Variants in TBX1 observed in about 807,000 individuals in gnomAD.
The protein encoded by TBX1 is T-box transcription factor TBX1.
In TBX1, 16 loss-of-function variants were observed where a neutral mutation model predicts 40.8. The ratio of observed to expected loss-of-function variants is 0.39; its 90% confidence interval spans 0.27 to 0.60. The LOEUF is 0.60. TBX1 is among the 20% of genes least tolerant of loss of function. The probability of loss-of-function intolerance (pLI) is 0.51; values close to 1 mark genes in which losing one functional copy is unlikely to be tolerated. For missense variants in TBX1, 755 were observed against 728.5 expected (o/e 1.04, Z -0.42); for synonymous variants, 403 against 336.8 (o/e 1.20, Z -2.15).
rs1166584869 is a variant in TBX1 at position 19,763,387 on chromosome 22, G to C, written c.539+45G>C. Reference sequence around the variant, plus strand: ...CGTGAGGGACCGGGAGGGCACCCTGGAAAGTGGCGGGTCTCCGCCTGGTGA... The same window carrying C: ...CGTGAGGGACCGGGAGGGCACCCTGCAAAGTGGCGGGTCTCCGCCTGGTGA... On this transcript the variant is annotated intron_variant, in intron 2 of 6. Transcript: ENST00000649276. 3 of 1,590,880 alleles carry C rather than the reference G, an allele frequency of 1.9e-6. No homozygotes were observed. The South Asian group carries it at 3.3e-5, about 18-fold the overall frequency.
intron 8 of TBX1, chr22:19,779,088 G>A (rs975714093): frequency 9.3e-7 from 1 of 1,077,744 alleles, no homozygotes; most frequent in Non-Finnish European, 1.4e-6. Flanking sequence ...CGGCTCGTTG[G>A]GAGATGCAGT....
downstream of TBX1, among the ~76,000 whole-genome samples, chr22:19,781,790 A>T (rs1428823057): frequency 6.6e-6 from 1 of 152,228 alleles, no homozygotes; most frequent in African/African-American, 2.4e-5. Flanking sequence ...TTTGTTAAAA[A>T]GACAGTCTTT....
intron 8 of TBX1, among the ~76,000 whole-genome samples, chr22:19,773,793 CT>C (rs1937025655): frequency 6.6e-6 from 1 of 152,220 alleles, no homozygotes. Flanking sequence ...GGCCAGACCC[CT>C]GGACACCAGC....
chr22:19,761,075 G>A lies in TBX1; in HGVS notation c.232G>A (p.Ala78Thr), dbSNP rs1028072654. ...CCCGGGCCCGCCGCCGCCGCCGCAC[G>A]CCTACCCGTTTGCGCCGGCCGCCGG... is the stretch of plus-strand genomic sequence containing the variant. Reference protein sequence around the residue: ...GAPGPPPPPHAYPFAPAAGAA... With the variant: ...GAPGPPPPPHTYPFAPAAGAA... Residue 78 changes from alanine (A) to threonine (T), a missense_variant, in exon 1 of 7, where the codon GCC becomes ACC. Transcript: ENST00000649276. The A allele has an allele frequency of 2.6e-5, 26 of 984,304 alleles. No individual in the cohort carries two copies. Among genetic ancestry groups the A allele is most frequent in the Middle Eastern group, 9.8e-4 (2 of 2,032 alleles). The allele number at this position is 984,304 out of a possible 1,614,324, so 61.0% of individuals were successfully genotyped here.
chr22:19,774,618 G>A (rs1023100010), intron 8 of TBX1, among the ~76,000 whole-genome samples: 1 of 152,096 alleles, frequency 6.6e-6, no homozygotes, highest in Non-Finnish European at 1.5e-5. Flanking sequence ...TGTGTGTACC[G>A]TGGAGTATTA....
chr22:19,762,658 G>T (rs990208391), intron 1 of TBX1, among the ~76,000 whole-genome samples: 1 of 152,152 alleles, frequency 6.6e-6, no homozygotes, highest in African/African-American at 2.4e-5. Flanking sequence ...GTGCCCTGAG[G>T]AAGGTGGGGA....
Position 19,766,378 on chromosome 22 carries a change from C to T in TBX1, c.1037-11C>T, listed in dbSNP as rs1461974474. 1.9e-5 allele frequency: 25 copies of T among 1,315,280 alleles called. No individual in the cohort carries two copies. The highest frequency in any genetic ancestry group is 1.1e-4 in the Admixed American group (3 of 26,692). The allele number at this position is 1,315,280 out of a possible 1,614,324, so 81.5% of individuals were successfully genotyped here. A position where few individuals can be genotyped will look rare whatever the true frequency, so the allele number is the denominator to read the frequency against. Reference sequence around the variant, plus strand: ...CGGCCGGCCGCGCTCACTCCTCGGCCCTCTCCGCAGACGCGGCTGAGGCCC... The same window carrying T: ...CGGCCGGCCGCGCTCACTCCTCGGCTCTCTCCGCAGACGCGGCTGAGGCCC... On this transcript the variant is annotated splice_polypyrimidine_tract_variant and intron_variant, in intron 6 of 6. Coordinates refer to ENST00000649276, the MANE Select transcript of TBX1 (RefSeq NM_001379200.1).
At position 19,766,410 on chromosome 22, in the gene TBX1, A is replaced by G; in HGVS notation, c.1058A>G (p.Glu353Gly). 7.4e-7 allele frequency: 1 copy of G among 1,342,718 alleles called. No individual in the cohort carries two copies. The highest frequency in any genetic ancestry group is 9.6e-7 in the Non-Finnish European group (1 of 1,045,688). The allele number at this position is 1,342,718 out of a possible 1,614,324, so 83.2% of individuals were successfully genotyped here. Residue 353 changes from glutamate to glycine, a missense_variant, in exon 7 of 7, where the codon GAA (glutamate) becomes GGA (glycine). Transcript: ENST00000649276. ...GCAGACGCGGCTGAGGCCCGGCGAG[A>G]ATTCCAGCGCGACGCGGGCGGGCCA... Reference protein sequence around the residue: ...TEKDAAEARREFQRDAGGPAV... With the variant: ...TEKDAAEARRGFQRDAGGPAV...
intron 8 of TBX1, among the ~76,000 whole-genome samples, chr22:19,775,995 G>A (rs1937058897): frequency 2.0e-5 from 3 of 152,168 alleles, no homozygotes; most frequent in Admixed American, 6.5e-5. Flanking sequence ...GCCATCCCTG[G>A]AGGTGGCCCC....
At chr22:19,765,710 C>A in intron 4 of TBX1, 48 bp from the exon 5 acceptor site, 1 of 1,605,978 alleles carries the variant, frequency 6.2e-7, no homozygotes, top group South Asian at 1.1e-5. Context: ...GGTCGGGTGG[C>A]CCAGGCTGCA....
downstream of TBX1, among the ~76,000 whole-genome samples, chr22:19,780,774 C>CTTTTT (rs1569032654): frequency 2.7e-5 from 3 of 109,518 alleles, no homozygotes; most frequent in African/African-American, 1.2e-4. Context: ...CACTTGTTTT[C>CTTTTT]TGTTTTTTTT....
chr22:19,780,925 G>C (rs1158271710), downstream of TBX1, among the ~76,000 whole-genome samples: 1 of 150,782 alleles, frequency 6.6e-6, no homozygotes, highest in African/African-American at 2.5e-5. Flanking sequence ...TAGGACTACA[G>C]GTGCCCGCCA....
At chr22:19,766,201 C>T (rs1799069367) in intron 6 of TBX1, 188 bp from the exon 7 acceptor site, 6 of 924,276 alleles carry the variant, frequency 6.5e-6, no homozygotes, top group Non-Finnish European at 7.9e-6. Flanking sequence ...CCGCCGCCCG[C>T]AGAGGGGCGC....
chr22:19,770,876 T>G (rs2238778), downstream of TBX1, among the ~76,000 whole-genome samples: 79,799 of 151,966 alleles, frequency 0.53, 21,546 homozygotes, highest in African/African-American at 0.63. Flanking sequence ...CTCCAGTGTG[T>G]CAGGCAGTGC....
downstream of TBX1, among the ~76,000 whole-genome samples, chr22:19,780,341 C>T (rs41298018): frequency 3.3e-5 from 5 of 152,168 alleles, no homozygotes; most frequent in Non-Finnish European, 7.3e-5. Flanking sequence ...CTACTCTAGG[C>T]GCCTCATGTA....
chr22:19,779,432 A>G, exon 9 of TBX1: 1 of 1,614,042 alleles, frequency 6.2e-7, no homozygotes. Context: ...CCATGGGCAC[A>G]TGGAGTTGTC....
chr22:19,766,457 C>T lies in TBX1; in HGVS notation c.1105C>T (p.His369Tyr), dbSNP rs1936848458. Reference protein sequence around the residue: ...GGPAVLGDPAHPPQLLARVLS... With the variant: ...GGPAVLGDPAYPPQLLARVLS... ...GCCAGCAGTGCTCGGGGACCCGGCG[C>T]ATCCTCCGCAGCTGCTGGCCCGGGT... The change falls in exon 7 of 7, where the codon CAT (histidine) becomes TAT (tyrosine). Residue 369 changes from histidine (H) to tyrosine (Y), a missense_variant. This residue lies in a region of TBX1 where 412 missense variants were observed against 317.6 expected (regional missense o/e 1.30). Transcript: ENST00000649276. 2 of 1,331,104 alleles carry T rather than the reference C, an allele frequency of 1.5e-6. No individual in the cohort carries two copies. The highest frequency in any genetic ancestry group is 1.9e-6 in the Non-Finnish European group (2 of 1,034,192). The allele number at this position is 1,331,104 out of a possible 1,614,324, so 82.5% of individuals were successfully genotyped here.
intron 8 of TBX1, among the ~76,000 whole-genome samples, chr22:19,776,722 C>T (rs966189748): frequency 1.3e-5 from 2 of 152,222 alleles, no homozygotes; most frequent in Non-Finnish European, 2.9e-5. Context: ...TAGCCGACGT[C>T]CATGCCAGCC....
chr22:19,761,402 C>A (rs948753294), intron 1 of TBX1, 122 bp downstream of exon 1: 3 of 1,265,634 alleles, frequency 2.4e-6, no homozygotes, highest in African/African-American at 1.6e-5. Context: ...TGGCCACCTG[C>A]GGGCCCCTCT....
Sources: gnomAD v4.1 joint callset for allele counts (sites outside exome capture counted in the v4.1 genomes callset) on GRCh38, gnomAD v4.1.1 for gene constraint, gnomAD v4.1.1 regional missense constraint, MANE v1.5 for transcripts, NCBI Gene and HGNC (gene_info 2026-07-23, HGNC 2026-07-21) for gene names.